Variants in PCDHGB4 observed in about 807,000 individuals in gnomAD.
PCDHGB4 encodes protocadherin gamma-B4.
PCDHGB4 carries 38 observed loss-of-function variants against 60.5 expected under a neutral mutation model. The ratio of observed to expected loss-of-function variants is 0.63; its 90% CI spans 0.48 to 0.82. PCDHGB4 has a LOEUF of 0.82. Among genes scored for constraint, PCDHGB4 ranks in the 40% least tolerant of loss-of-function variants. The pLI is 0.00. For missense variants in PCDHGB4, 1,109 were observed against 1,209.6 expected (o/e 0.92, Z 1.23); for synonymous variants, 456 against 509.7 (o/e 0.89, Z 1.42).
intron 1 of PCDHGB4, among the ~76,000 whole-genome samples, chr5:141,488,613 A>C (rs1214413025): frequency 1.3e-5 from 2 of 152,158 alleles, no homozygotes; most frequent in Non-Finnish European, 2.9e-5. Flanking sequence ...GTTCTTACTA[A>C]TCTTTTCTCT....
In PCDHGB4 at chr5:141,489,993, C is replaced by T. The variant is rs1413894892; in HGVS notation, c.2398-4814C>T. 18 of 1,614,186 alleles carry T rather than the reference C, an allele frequency of 1.1e-5. No individual in the cohort carries two copies. The highest frequency in any genetic ancestry group is 1.5e-5 in the Non-Finnish European group (18 of 1,179,990). On this transcript the variant is annotated intron_variant, in intron 1 of 3. Transcript: ENST00000519479. The surrounding 1 kb of genome is among the most constrained non-coding windows in gnomAD (Gnocchi z 4.5). ...AATCCTCAGTTCTACGTGTGGGAAT[C>T]CCAGAGAATGCACCCATTGGTACTC...
Position 141,491,898 on chromosome 5 carries a change from G to C in PCDHGB4, c.2398-2909G>C, listed in dbSNP as rs772673872. 9.0e-5 allele frequency: 129 copies of C among 1,428,816 alleles called. 1 individual carries two copies. In the Middle Eastern group the frequency reaches 2.0e-3, roughly 22 times the overall value. The allele number at this position is 1,428,816 out of a possible 1,614,324, so 88.5% of individuals were successfully genotyped here. On this transcript the variant is annotated intron_variant, in intron 1 of 3. Coordinates refer to ENST00000519479, the MANE Select transcript of PCDHGB4 (RefSeq NM_003736.4). The surrounding 1 kb of genome is among the most constrained non-coding windows in gnomAD (Gnocchi z 6.9). ...ATTAAGGGATGGGGCTCCGAGCACCGGGGGTGGTGGCGACTGTGGGCGAGG... is the reference window on the plus strand; with the variant it reads ...ATTAAGGGATGGGGCTCCGAGCACCCGGGGTGGTGGCGACTGTGGGCGAGG...
chr5:141,418,228 T>C, intron 1 of PCDHGB4: 2 of 1,613,990 alleles, frequency 1.2e-6, no homozygotes, highest in Non-Finnish European at 1.7e-6. Context: ...TTGTGGTGAT[T>C]GAGGATGTTA....
At chr5:141,450,364 T>G (rs2098678485) in intron 1 of PCDHGB4, among the ~76,000 whole-genome samples, 1 of 152,188 alleles carries the variant, frequency 6.6e-6, no homozygotes, top group Admixed American at 6.5e-5. Flanking sequence ...TCCTCAGCCT[T>G]GTTTGTTTAT....
chr5:141,429,760 C>A (rs1036499079), intron 1 of PCDHGB4, among the ~76,000 whole-genome samples: 1 of 152,020 alleles, frequency 6.6e-6, no homozygotes, highest in Non-Finnish European at 1.5e-5. Flanking sequence ...AATTTTTTCC[C>A]TATATTTTGA....
In PCDHGB4 at chr5:141,415,757, T is replaced by G. The variant is rs765276447; in HGVS notation, c.2397+25476T>G. The G allele has an allele frequency of 5.6e-3, 7,497 of 1,346,942 alleles. 12 individuals are homozygous for G. The highest frequency in any genetic ancestry group is 0.012 in the East Asian group (422 of 35,004). The allele number at this position is 1,346,942 out of a possible 1,614,324, so 83.4% of individuals were successfully genotyped here. A position where few individuals can be genotyped will look rare whatever the true frequency, so the allele number is the denominator to read the frequency against. ...TTATTAAGGTTTTTTTTTTTTTTTT[T>G]TTTTTTTTTTTTTTTACTTTCTGGT... On this transcript the variant is annotated intron_variant, in intron 1 of 3. Coordinates refer to ENST00000519479, the MANE Select transcript of PCDHGB4 (RefSeq NM_003736.4).
intron 1 of PCDHGB4, chr5:141,404,726 G>A (rs772532099): frequency 6.2e-7 from 1 of 1,614,094 alleles, no homozygotes; most frequent in Admixed American, 1.7e-5. Context: ...GACCAAGGTG[G>A]TGGCAGTGGA....
chr5:141,476,727 G>A lies in PCDHGB4; in HGVS notation c.2398-18080G>A, dbSNP rs762236731. On this transcript the variant is annotated intron_variant, in intron 1 of 3. Coordinates refer to ENST00000519479, the MANE Select transcript of PCDHGB4 (RefSeq NM_003736.4). This position sits in a 1 kb window ranked among gnomAD's most constrained non-coding sequence, Gnocchi z 7.6. ...CTGGTGTTGGAGCGCGCCCTGGACC[G>A]AGAACGGGAGCCTAGTCTCCAGTTA... 5 of 1,614,108 alleles carry A rather than the reference G, an allele frequency of 3.1e-6. No individual in the cohort carries two copies. Among genetic ancestry groups the A allele is most frequent in the Non-Finnish European group, 4.2e-6 (5 of 1,180,032 alleles).
intron 3 of PCDHGB4, among the ~76,000 whole-genome samples, chr5:141,509,622 T>C (rs2099877603): frequency 6.6e-6 from 1 of 152,186 alleles, no homozygotes; most frequent in Non-Finnish European, 1.5e-5. Flanking sequence ...AACAAGTTCC[T>C]GGGTGATGCT....
intron 1 of PCDHGB4, chr5:141,420,098 A>G: frequency 6.2e-7 from 1 of 1,614,034 alleles, no homozygotes; most frequent in African/African-American, 1.3e-5. Flanking sequence ...CAGTGAGGGA[A>G]CGTTGCCCTA....
At chr5:141,508,737 C>G (rs919094477) in intron 3 of PCDHGB4, among the ~76,000 whole-genome samples, 2 of 152,010 alleles carry the variant, frequency 1.3e-5, no homozygotes, top group Non-Finnish European at 2.9e-5. Flanking sequence ...CTACACCCCC[C>G]ACCCCGCTCT....
chr5:141,390,038 C>T lies in PCDHGB4; in HGVS notation c.2154C>T (p.Ser718=). 3 of 1,614,060 alleles carry T rather than the reference C, an allele frequency of 1.9e-6. No individual in the cohort carries two copies. Among genetic ancestry groups the T allele is most frequent in the Non-Finnish European group, 2.5e-6 (3 of 1,179,908 alleles). ...CCTTGCGCCTGCGACGCTCCTCCAG[C>T]CCCGCCTCCTGGAGCTGCTTCCAGC... ...AIALRLRRSS[S]PASWSCFQPG... is the part of the protein sequence containing the mutation. Residue 718 remains serine, a synonymous_variant, in exon 1 of 4, where the codon AGC becomes AGT. Coordinates refer to ENST00000519479, the MANE Select transcript of PCDHGB4 (RefSeq NM_003736.4).
chr5:141,497,384 A>G (rs2099776099), intron 2 of PCDHGB4, among the ~76,000 whole-genome samples: 1 of 151,900 alleles, frequency 6.6e-6, no homozygotes, highest in African/African-American at 2.4e-5. Context: ...TGGGGTGAGC[A>G]CCTTACCCCT....
chr5:141,502,308 C>T (rs928137926), intron 2 of PCDHGB4, among the ~76,000 whole-genome samples: 2 of 151,586 alleles, frequency 1.3e-5, no homozygotes, highest in Non-Finnish European at 2.9e-5. Flanking sequence ...CTTTCCTCTC[C>T]TTTAATCTGG....
chr5:141,489,636 C>A lies in PCDHGB4; in HGVS notation c.2398-5171C>A, dbSNP rs753380268. 3.8e-5 allele frequency: 62 copies of A among 1,614,074 alleles called. No individual in the cohort carries two copies. The highest frequency in any genetic ancestry group is 5.1e-5 in the Non-Finnish European group (60 of 1,180,038). ...TGGATCTCAATGACAACTCTCCTAG[C>A]TTTGCCACCCCTGAGCGAGAGATGC... is the stretch of plus-strand genomic sequence containing the variant. On this transcript the variant is annotated intron_variant, in intron 1 of 3. Coordinates refer to ENST00000519479, the MANE Select transcript of PCDHGB4 (RefSeq NM_003736.4). The surrounding 1 kb of genome is among the most constrained non-coding windows in gnomAD (Gnocchi z 4.5).
chr5:141,427,924 G>T, intron 1 of PCDHGB4: 1 of 1,580,140 alleles, frequency 6.3e-7, no homozygotes, highest in Non-Finnish European at 8.7e-7. Flanking sequence ...ATGAGCCGGC[G>T]CATGTTGGTG....
At chr5:141,453,014 G>A (rs2098753820) in intron 1 of PCDHGB4, among the ~76,000 whole-genome samples, 1 of 152,206 alleles carries the variant, frequency 6.6e-6, no homozygotes, top group Non-Finnish European at 1.5e-5. Flanking sequence ...GTATAGTTAT[G>A]TGATTCATTA....
At chr5:141,414,266 C>T in intron 1 of PCDHGB4, 1 of 1,613,254 alleles carries the variant, frequency 6.2e-7, no homozygotes, top group Non-Finnish European at 8.5e-7. Context: ...ACTGAAGATT[C>T]ACCTCTGGGA....
chr5:141,485,174 A>G lies in PCDHGB4; in HGVS notation c.2398-9633A>G. 6.2e-7 allele frequency: 1 copy of G among 1,611,406 alleles called. No individual in the cohort carries two copies. The highest frequency in any genetic ancestry group is 8.5e-7 in the Non-Finnish European group (1 of 1,177,898). ...AGTAGAGAATTAGCGGGCGGCAGCA[A>G]TGCTCCGCAAGGTGAGAAGCTGGAC... On this transcript the variant is annotated intron_variant, in intron 1 of 3. Coordinates refer to ENST00000519479, the MANE Select transcript of PCDHGB4 (RefSeq NM_003736.4). The surrounding 1 kb of genome is among the most constrained non-coding windows in gnomAD (Gnocchi z 5.7).
Sources: allele counts gnomAD v4.1 joint callset (sites outside exome capture counted in the v4.1 genomes callset), GRCh38; gene constraint gnomAD v4.1.1; non-coding constraint Gnocchi (gnomAD v3.1); transcripts MANE v1.5; gene names NCBI Gene and HGNC (gene_info 2026-07-23, HGNC 2026-07-21).